The following PAFAH1B2 variants were observed in gnomAD, a reference collection of about 807,000 sequenced individuals.
The protein encoded by PAFAH1B2 is platelet activating factor acetylhydrolase 1b catalytic subunit 2, also known as platelet-activating factor acetylhydrolase IB subunit alpha2.
PAFAH1B2 carries 8 observed loss-of-function variants against 28.0 expected under a neutral mutation model. The ratio of observed to expected loss-of-function variants is 0.29; its 90% confidence interval spans 0.17 to 0.52. PAFAH1B2 has a LOEUF of 0.52. Ranked by LOEUF, PAFAH1B2 falls within the 20% of genes least tolerant of loss-of-function variation. The pLI, the probability that PAFAH1B2 is intolerant of heterozygous loss-of-function variation, is 0.97. For synonymous variants in PAFAH1B2, 104 were observed against 103.2 expected (o/e 1.01, Z -0.05); for missense variants, 190 against 282.6 (o/e 0.67, Z 2.35).
At position 117,168,444 on chromosome 11, in the gene PAFAH1B2, CCGTT is replaced by C. The variant is rs1202221279; in HGVS notation, c.*746_*749del. On this transcript the variant is annotated 3_prime_UTR_variant, in exon 6 of 6. Coordinates refer to ENST00000527958, the MANE Select transcript of PAFAH1B2 (RefSeq NM_002572.4). ...TTTCCCCTTCATTCCCCCCGCCACC[CCGTT>C]TTTTTTTTTTTTTTTTTTTTTTTGG... The C allele has an allele frequency of 3.8e-4, 165 of 438,110 alleles. No homozygotes were observed. The highest frequency in any genetic ancestry group is 4.3e-4 in the Non-Finnish European group (160 of 370,252). 27.1% of individuals were successfully genotyped at this position (438,110 alleles called of 1,614,324 possible).
chr11:117,163,282 C>T lies in PAFAH1B2; in HGVS notation c.289-488C>T, dbSNP rs916221887. Reference sequence around the variant, plus strand: ...ACCAGCCTGGGCAATATAGCATGACCCTCTATCTCTTAAAAGAAAATTTAA... The same window carrying T: ...ACCAGCCTGGGCAATATAGCATGACTCTCTATCTCTTAAAAGAAAATTTAA... On this transcript the variant is annotated intron_variant, in intron 4 of 5. Transcript: ENST00000527958. Among the ~76,000 whole-genome samples, 3 of 152,162 alleles carry T rather than the reference C, an allele frequency of 2.0e-5. No individual in the cohort carries two copies. The East Asian group carries it at 5.8e-4, about 29-fold the overall frequency.
rs1279526957 is a variant in PAFAH1B2, at chr11:117,170,529, G to A, written c.*2830G>A. On this transcript the variant is annotated 3_prime_UTR_variant, in exon 6 of 6. Coordinates refer to ENST00000527958, the MANE Select transcript of PAFAH1B2 (RefSeq NM_002572.4). ...ACCGTGAGGCTACTTGAACTGTCAG[G>A]GGCATCTGCCTAAACCAGAATCTTT... 14 of 1,059,156 alleles carry A rather than the reference G, an allele frequency of 1.3e-5. No homozygotes were observed. Among genetic ancestry groups the A allele is most frequent in the Non-Finnish European group, 1.6e-5 (14 of 876,404 alleles). The allele number at this position is 1,059,156 out of a possible 1,614,324, so 65.6% of individuals were successfully genotyped here.
chr11:117,161,120 C>G, intron 3 of PAFAH1B2, 25 bp from the exon 4 acceptor site: 1 of 1,465,382 alleles, frequency 6.8e-7, no homozygotes, highest in Non-Finnish European at 9.4e-7. Context: ...TTTAGGTACA[C>G]TAAATCAAGT....
downstream of PAFAH1B2, chr11:117,175,842 G>A (rs933764358): frequency 8.4e-6 from 12 of 1,432,720 alleles, no homozygotes; most frequent in South Asian, 3.7e-5. Context: ...GTGGCAGATC[G>A]CTTGAAGCCA....
intron 2 of PAFAH1B2, among the ~76,000 whole-genome samples, chr11:117,157,128 T>G (rs556162107): frequency 2.5e-4 from 38 of 152,186 alleles, no homozygotes; most frequent in Non-Finnish European, 4.6e-4. Context: ...TAAACTTTTA[T>G]TCTTTCTCAT....
In PAFAH1B2 at chr11:117,168,016, T is replaced by A; in HGVS notation, c.*317T>A. On this transcript the variant is annotated 3_prime_UTR_variant, in exon 6 of 6. Coordinates refer to ENST00000527958, the MANE Select transcript of PAFAH1B2 (RefSeq NM_002572.4). ...TTGGGACAACATCAAGCCTAAATAC[T>A]GAACAATATGAAGATTCTTTTCTTG... The A allele has an allele frequency of 1.1e-5, 12 of 1,073,822 alleles. No individual in the cohort carries two copies. Among genetic ancestry groups the A allele is most frequent in the Non-Finnish European group, 1.4e-5 (12 of 885,344 alleles). The allele number at this position is 1,073,822 out of a possible 1,614,324, so 66.5% of individuals were successfully genotyped here.
chr11:117,175,435 A>G (rs2029920764), downstream of PAFAH1B2: 2 of 1,038,568 alleles, frequency 1.9e-6, no homozygotes, highest in African/African-American at 1.7e-5. Context: ...ACAGCAAGAA[A>G]ATGTGCAGTT....
Position 117,170,965 on chromosome 11 carries a change from G to A in PAFAH1B2, c.*3266G>A, listed in dbSNP as rs146727549. 7.3e-5 allele frequency: 77 copies of A among 1,052,452 alleles called. 1 individual carries two copies. In the East Asian group the frequency reaches 3.4e-3, roughly 46 times the overall value. 65.2% of individuals were successfully genotyped at this position (1,052,452 alleles called of 1,614,324 possible). A position where few individuals can be genotyped will look rare whatever the true frequency, so the allele number is the denominator to read the frequency against. On this transcript the variant is annotated 3_prime_UTR_variant, in exon 6 of 6. Coordinates refer to ENST00000527958, the MANE Select transcript of PAFAH1B2 (RefSeq NM_002572.4). ...CTCCCCATTGGAAGTTTGTGATTTT[G>A]CTTTGGCAAAGTTTCATTGACTAGT...
At chr11:117,158,541 G>C (rs993060415) in intron 2 of PAFAH1B2, among the ~76,000 whole-genome samples, 1 of 151,574 alleles carries the variant, frequency 6.6e-6, no homozygotes, top group African/African-American at 2.4e-5. Context: ...GATCATAGTT[G>C]AGAAAATGAT....
exon 6 of PAFAH1B2, chr11:117,176,061 A>G (rs2029966257): frequency 2.5e-6 from 2 of 794,380 alleles, no homozygotes; most frequent in African/African-American, 3.4e-5. Context: ...TCTGATTCAT[A>G]TTCGCCTAGA....
At chr11:117,165,976 C>A (rs1001303411) in intron 5 of PAFAH1B2, among the ~76,000 whole-genome samples, 1 of 152,074 alleles carries the variant, frequency 6.6e-6, no homozygotes, top group Non-Finnish European at 1.5e-5. Context: ...GTAGCTGGAA[C>A]TACAGGTGCA....
Position 117,161,115 on chromosome 11 carries a change from G to A in PAFAH1B2, c.172-30G>A, listed in dbSNP as rs573191458. 4 of 1,377,428 alleles carry A rather than the reference G, an allele frequency of 2.9e-6. No homozygotes were observed. In the East Asian group the frequency reaches 6.9e-5, roughly 24 times the overall value. 85.3% of individuals were successfully genotyped at this position (1,377,428 alleles called of 1,614,324 possible). A position where few individuals can be genotyped will look rare whatever the true frequency, so the allele number is the denominator to read the frequency against. On this transcript the variant is annotated intron_variant, in intron 3 of 5. Transcript: ENST00000527958. ...AGATTAAACTTTCCCCTAGTTTTAG[G>A]TACACTAAATCAAGTTTTTCTTTTT...
At chr11:117,158,520 G>T (rs1217036308) in intron 2 of PAFAH1B2, among the ~76,000 whole-genome samples, 2 of 152,014 alleles carry the variant, frequency 1.3e-5, no homozygotes, top group East Asian at 1.9e-4. Context: ...AAAATACATG[G>T]ATCCTCATTG....
chr11:117,156,738 G>C (rs1029710455), intron 2 of PAFAH1B2, among the ~76,000 whole-genome samples: 1 of 152,100 alleles, frequency 6.6e-6, no homozygotes, highest in African/African-American at 2.4e-5. Context: ...AAGGTAGTTG[G>C]GGCCGGGCAC....
In PAFAH1B2 at chr11:117,169,027, G is replaced by A; in HGVS notation, c.*1328G>A. 1.7e-6 allele frequency: 1 copy of A among 584,760 alleles called. No homozygotes were observed. Among genetic ancestry groups the A allele is most frequent in the Non-Finnish European group, 2.2e-6 (1 of 453,778 alleles). The allele number at this position is 584,760 out of a possible 1,614,324, so 36.2% of individuals were successfully genotyped here. A position where few individuals can be genotyped will look rare whatever the true frequency, so the allele number is the denominator to read the frequency against. On this transcript the variant is annotated 3_prime_UTR_variant, in exon 6 of 6. Coordinates refer to ENST00000527958, the MANE Select transcript of PAFAH1B2 (RefSeq NM_002572.4). ...GCTGGTCTCGAACTCCTGACCTCAG[G>A]TGATCTGCCCGCCTTGGCCTCCCAA...
exon 6 of PAFAH1B2, chr11:117,176,230 C>A: frequency 4.4e-6 from 2 of 454,358 alleles, no homozygotes; most frequent in Non-Finnish European, 7.8e-6. Context: ...AATTGGTGAA[C>A]CCTTTGGAAA....
At chr11:117,172,461 T>C (rs113804377), downstream of PAFAH1B2, among the ~76,000 whole-genome samples, 376 of 146,244 alleles carry the variant, frequency 2.6e-3, 3 homozygotes, top group Middle Eastern at 0.014. Flanking sequence ...AGTATGCTTA[T>C]AGTGGATTCA....
intron 1 of PAFAH1B2, among the ~76,000 whole-genome samples, chr11:117,150,931 T>C (rs1956135267): frequency 6.7e-6 from 1 of 148,418 alleles, no homozygotes; most frequent in Non-Finnish European, 1.5e-5. Flanking sequence ...GAGCTTGCAG[T>C]GACCCGAGAT....
Position 117,168,990 on chromosome 11 carries a change from C to A in PAFAH1B2, c.*1291C>A. The A allele has an allele frequency of 2.8e-6, 1 of 362,744 alleles. No homozygotes were observed. The allele number at this position is 362,744 out of a possible 1,614,324, so 22.5% of individuals were successfully genotyped here. ...ATTTTTATTAGAGACGGGATTTCGC[C>A]ATGTTAACCAGGCTGGTCTCGAACT... On this transcript the variant is annotated 3_prime_UTR_variant, in exon 6 of 6. Transcript: ENST00000527958.
Sources: gnomAD v4.1 joint callset for allele counts (sites outside exome capture counted in the v4.1 genomes callset) on GRCh38, gnomAD v4.1.1 for gene constraint, MANE v1.5 for transcripts, NCBI Gene and HGNC (gene_info 2026-07-23, HGNC 2026-07-21) for gene names.